The following PCDHGA2 variants were observed in gnomAD, a reference collection of about 807,000 sequenced individuals.
The protein encoded by PCDHGA2 is protocadherin gamma subfamily A, 2.
PCDHGA2 carries 40 observed loss-of-function variants against 59.2 expected under a neutral mutation model. The ratio of observed to expected loss-of-function variants is 0.68; its 90% confidence interval spans 0.52 to 0.88. The LOEUF (loss-of-function observed/expected upper bound fraction) is 0.88. Ranked by LOEUF, PCDHGA2 falls within the 40% of genes least tolerant of loss-of-function variation. The pLI is 0.00. For synonymous variants in PCDHGA2, 560 were observed against 526.0 expected (o/e 1.06, Z -0.89); for missense variants, 1,226 against 1,204.0 (o/e 1.02, Z -0.27).
chr5:141,495,077 C>T (rs1237589417), intron 2 of PCDHGA2, among the ~76,000 whole-genome samples: 4 of 152,180 alleles, frequency 2.6e-5, no homozygotes, highest in African/African-American at 9.7e-5. Flanking sequence ...AATTCACATG[C>T]TTGCCCCTTC....
At chr5:141,415,740 G>GTTTTTTTTTTTTTTTTTGTTTTT (rs2095912994) in intron 1 of PCDHGA2, 1 of 515,998 alleles carries the variant, frequency 1.9e-6, no homozygotes. Flanking sequence ...GTTTATTAAG[G>GTTTTTTTTTTTTTTTTTGTTTTT]TTTTTTTTTT....
chr5:141,409,483 G>A, intron 1 of PCDHGA2: 1 of 1,613,944 alleles, frequency 6.2e-7, no homozygotes, highest in Non-Finnish European at 8.5e-7. Context: ...CCACTGACAG[G>A]GGCAAGCCGC....
At chr5:141,425,321 G>A (rs1020940689) in intron 1 of PCDHGA2, among the ~76,000 whole-genome samples, 2 of 152,182 alleles carry the variant, frequency 1.3e-5, no homozygotes, top group South Asian at 2.1e-4. Flanking sequence ...CAAGATCGTG[G>A]AGAACAAAAA....
At chr5:141,353,190 T>C in intron 1 of PCDHGA2, among the ~76,000 whole-genome samples, 1 of 152,174 alleles carries the variant, frequency 6.6e-6, no homozygotes, top group South Asian at 2.1e-4. Flanking sequence ...GGTTGGCAAA[T>C]CTTGCTAAAG....
At chr5:141,398,742 G>GAGT (rs2093697710) in intron 1 of PCDHGA2, 1 of 1,613,726 alleles carries the variant, frequency 6.2e-7, no homozygotes, top group Non-Finnish European at 8.5e-7. Flanking sequence ...GGGAACAACA[G>GAGT]AGTTACCATC....
chr5:141,371,336 C>T (rs2149982904), intron 1 of PCDHGA2: 1 of 1,613,926 alleles, frequency 6.2e-7, no homozygotes, highest in Non-Finnish European at 8.5e-7. Context: ...AGAGAGATAG[C>T]TACACAATTG....
intron 1 of PCDHGA2, chr5:141,352,364 G>C (rs758290229): frequency 1.9e-6 from 3 of 1,613,988 alleles, no homozygotes; most frequent in Non-Finnish European, 2.5e-6. Flanking sequence ...CTTTCTCCTC[G>C]CGGTGATTCT....
At chr5:141,352,925 T>C (rs1029791650) in intron 1 of PCDHGA2, among the ~76,000 whole-genome samples, 10 of 152,020 alleles carry the variant, frequency 6.6e-5, no homozygotes, top group African/African-American at 2.4e-4. Context: ...GAGGTGGAGA[T>C]TGTAGTGAGC....
rs1491285973 is a variant in PCDHGA2, at chr5:141,415,739, GGT to G, written c.2424+74345_2424+74346del. 5.5e-5 allele frequency: 24 copies of G among 435,136 alleles called. No individual in the cohort carries two copies. The African/African-American group carries it at 7.2e-4, about 13-fold the overall frequency. 27.0% of individuals were successfully genotyped at this position (435,136 alleles called of 1,614,324 possible). A position where few individuals can be genotyped will look rare whatever the true frequency, so the allele number is the denominator to read the frequency against. On this transcript the variant is annotated intron_variant, in intron 1 of 3. Transcript: ENST00000394576. Reference sequence around the variant, plus strand: ...ATGAGTAGAATTTGATGTTTATTAAGGTTTTTTTTTTTTTTTTTTTTTTTTTT... The same window carrying G: ...ATGAGTAGAATTTGATGTTTATTAAGTTTTTTTTTTTTTTTTTTTTTTTTT...
chr5:141,365,954 C>T lies in PCDHGA2; in HGVS notation c.2424+24559C>T, dbSNP rs553082212. 5.6e-6 allele frequency: 9 copies of T among 1,614,236 alleles called. No homozygotes were observed. The East Asian group carries it at 1.3e-4, about 24-fold the overall frequency. ...AGCCAGCGACAGTGGGAACCCTCCA[C>T]TTAGCAGCAACGTGTCGCTGAGCCT... On this transcript the variant is annotated intron_variant, in intron 1 of 3. Coordinates refer to ENST00000394576, the MANE Select transcript of PCDHGA2 (RefSeq NM_018915.4).
intron 1 of PCDHGA2, chr5:141,360,302 T>C: frequency 8.1e-6 from 13 of 1,613,882 alleles, no homozygotes; most frequent in Non-Finnish European, 1.1e-5. Flanking sequence ...GATCTGGGGC[T>C]CAGCGTCCGG....
rs117560542 is a variant in PCDHGA2 at position 141,375,655 on chromosome 5, G to A, written c.2424+34260G>A. ...CCCTGCGCTCCTTCGACTATGAGCA[G>A]TTGAGAGACCTACAGCTGTGGGTGA... is the stretch of plus-strand genomic sequence containing the variant. On this transcript the variant is annotated intron_variant, in intron 1 of 3. Transcript: ENST00000394576. 2.4e-4 allele frequency: 382 copies of A among 1,614,246 alleles called. 5 individuals are homozygous for A. The East Asian group carries it at 8.3e-3, about 35-fold the overall frequency.
intron 1 of PCDHGA2, among the ~76,000 whole-genome samples, chr5:141,368,196 G>T (rs1437997648): frequency 1.3e-5 from 2 of 152,104 alleles, no homozygotes; most frequent in Non-Finnish European, 2.9e-5. Flanking sequence ...AGGGGAAAAG[G>T]TAATAAAATA....
At chr5:141,357,994 A>G (rs1378824795) in intron 1 of PCDHGA2, among the ~76,000 whole-genome samples, 1 of 152,294 alleles carries the variant, frequency 6.6e-6, no homozygotes, top group South Asian at 2.1e-4. Context: ...GTTCGAGACC[A>G]GTCTGGGCAA....
Position 141,491,415 on chromosome 5 carries a change from G to GGGT in PCDHGA2, c.2425-3389_2425-3387dup. 1 of 1,614,126 alleles carries GGGT rather than the reference G, an allele frequency of 6.2e-7. No individual in the cohort carries two copies. Among genetic ancestry groups the GGGT allele is most frequent in the Non-Finnish European group, 8.5e-7 (1 of 1,180,034 alleles). ...TTCAGGGAAACGCAGACGGGGACGG[G>GGGT]GGTGGAGGGCAGTGCTGCAGGCGCC... On this transcript the variant is annotated intron_variant, in intron 1 of 3. Transcript: ENST00000394576. The surrounding 1 kb of genome is among the most constrained non-coding windows in gnomAD (Gnocchi z 6.9).
Position 141,476,657 on chromosome 5 carries a change from G to A in PCDHGA2, c.2425-18150G>A, listed in dbSNP as rs759887729. On this transcript the variant is annotated intron_variant, in intron 1 of 3. Coordinates refer to ENST00000394576, the MANE Select transcript of PCDHGA2 (RefSeq NM_018915.4). This position sits in a 1 kb window ranked among gnomAD's most constrained non-coding sequence, Gnocchi z 7.6. ...TGAGCTGAGCCGAAATGAATACTTTGCGCTTCGCGTGCAGACGCGGGAGGA... is the reference window on the plus strand; with the variant it reads ...TGAGCTGAGCCGAAATGAATACTTTACGCTTCGCGTGCAGACGCGGGAGGA... 1.9e-6 allele frequency: 3 copies of A among 1,614,140 alleles called. No homozygotes were observed. Among genetic ancestry groups the A allele is most frequent in the Non-Finnish European group, 2.5e-6 (3 of 1,180,060 alleles).
chr5:141,341,139 G>T lies in PCDHGA2; in HGVS notation c.2168G>T (p.Arg723Leu), dbSNP rs1757026596. Reference sequence around the variant, plus strand: ...AGGCTGCGGCGCTGGCACAAGTCACGCCTGCTGCAGGCTTCAGGAGGCAGC... The same window carrying T: ...AGGCTGCGGCGCTGGCACAAGTCACTCCTGCTGCAGGCTTCAGGAGGCAGC... ...AHRLRRWHKS[R>L]LLQASGGSLT... Residue 723 changes from arginine to leucine, a missense_variant, in exon 1 of 4, where the codon CGC becomes CTC. Coordinates refer to ENST00000394576, the MANE Select transcript of PCDHGA2 (RefSeq NM_018915.4). The T allele has an allele frequency of 1.2e-6, 2 of 1,614,194 alleles. No homozygotes were observed. The highest frequency in any genetic ancestry group is 1.7e-6 in the Non-Finnish European group (2 of 1,180,026).
intron 1 of PCDHGA2, among the ~76,000 whole-genome samples, chr5:141,475,518 T>C (rs963473660): frequency 1.3e-5 from 2 of 152,356 alleles, no homozygotes; most frequent in East Asian, 1.9e-4. Flanking sequence ...TCCACGGAAA[T>C]GCTAAATGCC....
intron 1 of PCDHGA2, among the ~76,000 whole-genome samples, chr5:141,434,049 A>G (rs868088310): frequency 2.0e-5 from 3 of 152,116 alleles, no homozygotes; most frequent in Non-Finnish European, 2.9e-5. Flanking sequence ...ATTTTATTCA[A>G]TGGCCTGTAA....
Sources: gnomAD v4.1 joint callset for allele counts (sites outside exome capture counted in the v4.1 genomes callset) on GRCh38, gnomAD v4.1.1 for gene constraint, Gnocchi (gnomAD v3.1) non-coding constraint, MANE v1.5 for transcripts, NCBI Gene and HGNC (gene_info 2026-07-23, HGNC 2026-07-21) for gene names.